LYPLAL1: variants seen among roughly 807,000 people sequenced by gnomAD.
LYPLAL1 encodes lysophospholipase like 1.
In LYPLAL1, 23 loss-of-function variants were observed where a neutral mutation model predicts 19.7. The ratio of observed to expected loss-of-function variants is 1.17; its 90% CI spans 0.84 to 1.65. The LOEUF is 1.65. Ranked by LOEUF, LYPLAL1 falls within the 40% of genes most tolerant of loss-of-function variation. The probability of loss-of-function intolerance (pLI) is 0.00; values close to 1 mark genes in which losing one functional copy is unlikely to be tolerated. For synonymous variants in LYPLAL1, 119 were observed against 96.3 expected (o/e 1.24, Z -1.38); for missense variants, 355 against 279.4 (o/e 1.27, Z -1.93).
intron 1 of LYPLAL1, among the ~76,000 whole-genome samples, chr1:219,178,094 CA>C (rs1486274224): frequency 3.3e-5 from 5 of 152,314 alleles, no homozygotes; most frequent in Admixed American, 2.0e-4. Flanking sequence ...CAGTTTTTGT[CA>C]GTCCTGTTCT....
At chr1:219,327,952 A>T in the LYPLAL1 span, among the ~76,000 whole-genome samples, 1 of 152,130 alleles carries the variant, frequency 6.6e-6, no homozygotes, top group Non-Finnish European at 1.5e-5. Context: ...TGTCTTTATC[A>T]GCAACATTGA....
chr1:219,425,422 G>A, the LYPLAL1 span, among the ~76,000 whole-genome samples: 2 of 152,136 alleles, frequency 1.3e-5, no homozygotes, highest in Non-Finnish European at 2.9e-5. Context: ...AAGCAGTAAG[G>A]TGCCAGATCC....
chr1:219,235,895 G>A, the LYPLAL1 span, among the ~76,000 whole-genome samples: 2 of 152,162 alleles, frequency 1.3e-5, no homozygotes. Flanking sequence ...ATGGTTCTGA[G>A]GTCGGGCATT....
At chr1:219,315,156 C>T in the LYPLAL1 span, among the ~76,000 whole-genome samples, 1 of 152,114 alleles carries the variant, frequency 6.6e-6, no homozygotes, top group African/African-American at 2.4e-5. Context: ...TAGATTAAAA[C>T]TGAAATCTTT....
At chr1:219,424,217 A>G in the LYPLAL1 span, among the ~76,000 whole-genome samples, 1 of 152,092 alleles carries the variant, frequency 6.6e-6, no homozygotes, top group African/African-American at 2.4e-5. Context: ...TGGCTTAAAG[A>G]CTCATCTAAT....
the LYPLAL1 span, among the ~76,000 whole-genome samples, chr1:219,318,839 G>T: frequency 6.6e-6 from 1 of 152,154 alleles, no homozygotes; most frequent in Non-Finnish European, 1.5e-5. Flanking sequence ...AAAATGGGCA[G>T]GGAAATATTC....
chr1:219,399,021 T>C, the LYPLAL1 span, among the ~76,000 whole-genome samples: 1 of 152,224 alleles, frequency 6.6e-6, no homozygotes, highest in Non-Finnish European at 1.5e-5. Context: ...TGATCCGTCC[T>C]CATTTGCACA....
At chr1:219,415,827 G>A in the LYPLAL1 span, among the ~76,000 whole-genome samples, 789 of 152,258 alleles carry the variant, frequency 5.2e-3, 13 homozygotes, top group African/African-American at 0.018. Flanking sequence ...TTTGGTAGTG[G>A]CCAGTAATCT....
chr1:219,345,712 C>T, the LYPLAL1 span, among the ~76,000 whole-genome samples: 5 of 152,168 alleles, frequency 3.3e-5, no homozygotes, highest in South Asian at 1.0e-3. Context: ...CTTTTGCTTC[C>T]TCCAAACACA....
the LYPLAL1 span, among the ~76,000 whole-genome samples, chr1:219,370,262 C>T: frequency 2.0e-5 from 3 of 152,196 alleles, no homozygotes; most frequent in Non-Finnish European, 4.4e-5. Flanking sequence ...TTTCACCCTG[C>T]TCTCCCTCTT....
the LYPLAL1 span, among the ~76,000 whole-genome samples, chr1:219,277,036 C>G: frequency 6.6e-6 from 1 of 152,084 alleles, no homozygotes; most frequent in Non-Finnish European, 1.5e-5. Context: ...ACCAAAGAGG[C>G]AAACTGCAGA....
At chr1:219,412,912 T>A in the LYPLAL1 span, among the ~76,000 whole-genome samples, 1 of 152,248 alleles carries the variant, frequency 6.6e-6, no homozygotes, top group Non-Finnish European at 1.5e-5. Context: ...ATGAGTTGGC[T>A]CATTACATTT....
At chr1:219,408,782 G>A in the LYPLAL1 span, among the ~76,000 whole-genome samples, 1 of 152,134 alleles carries the variant, frequency 6.6e-6, no homozygotes, top group African/African-American at 2.4e-5. Flanking sequence ...TGGACAAATA[G>A]GTGGTTGAGA....
chr1:219,443,928 A>G, the LYPLAL1 span, among the ~76,000 whole-genome samples: 1 of 152,292 alleles, frequency 6.6e-6, no homozygotes, highest in South Asian at 2.1e-4. Context: ...GGGCCCACTC[A>G]TACATAGCAA....
the LYPLAL1 span, among the ~76,000 whole-genome samples, chr1:219,356,621 G>T: frequency 3.2e-4 from 48 of 152,258 alleles, no homozygotes; most frequent in African/African-American, 1.1e-3. Flanking sequence ...GCTCTACATT[G>T]CTTTGGGGGA....
the LYPLAL1 span, among the ~76,000 whole-genome samples, chr1:219,383,301 C>T: frequency 6.6e-6 from 1 of 152,184 alleles, no homozygotes; most frequent in Non-Finnish European, 1.5e-5. Flanking sequence ...ACCAAATCCA[C>T]AGATAGTTTG....
the LYPLAL1 span, among the ~76,000 whole-genome samples, chr1:219,381,082 T>G: frequency 6.6e-6 from 1 of 152,258 alleles, no homozygotes; most frequent in African/African-American, 2.4e-5. Context: ...AATCTCATCT[T>G]GAATTGTAGC....
At chr1:219,237,534 G>T in the LYPLAL1 span, among the ~76,000 whole-genome samples, 1 of 152,172 alleles carries the variant, frequency 6.6e-6, no homozygotes, top group African/African-American at 2.4e-5. Context: ...GAGCAGTAAT[G>T]GTGACTCCGT....
chr1:219,303,344 C>G, the LYPLAL1 span, among the ~76,000 whole-genome samples: 5 of 152,090 alleles, frequency 3.3e-5, no homozygotes, highest in East Asian at 7.7e-4. Flanking sequence ...AAAAACAATA[C>G]AAATGTAGAT....
Sources: gnomAD v4.1 joint callset for allele counts (sites outside exome capture counted in the v4.1 genomes callset) on GRCh38, gnomAD v4.1.1 for gene constraint, MANE v1.5 for transcripts, NCBI Gene and HGNC (gene_info 2026-07-23, HGNC 2026-07-21) for gene names.